The following ZYG11A variants were observed in gnomAD, a reference collection of about 807,000 sequenced individuals.
The protein encoded by ZYG11A is zyg-11 family member A, cell cycle regulator.
In ZYG11A, 62 loss-of-function variants were observed where a neutral mutation model predicts 77.2. The ratio of observed to expected loss-of-function variants is 0.80; its 90% CI spans 0.65 to 0.99. The LOEUF is 0.99. Ranked by LOEUF, ZYG11A falls within the 50% of genes least tolerant of loss-of-function variation. The pLI, the probability that ZYG11A is intolerant of heterozygous loss-of-function variation, is 0.00. For synonymous variants in ZYG11A, 315 were observed against 324.6 expected, an observed-to-expected ratio of 0.97 and a Z score of 0.32; for missense variants, 828 against 896.8, an observed-to-expected ratio of 0.92 and a Z score of 0.98.
At chr1:52,847,893 G>T (rs1645628944) in intron 1 of ZYG11A, among the ~76,000 whole-genome samples, 1 of 146,152 alleles carries the variant, frequency 6.8e-6, no homozygotes, top group African/African-American at 2.5e-5. Context: ...TTTTTGAGAT[G>T]GAGTCTCGCT....
At chr1:52,876,752 T>C (rs1300403243) in intron 8 of ZYG11A, among the ~76,000 whole-genome samples, 1 of 152,210 alleles carries the variant, frequency 6.6e-6, no homozygotes, top group Non-Finnish European at 1.5e-5. Context: ...ACACATTCTC[T>C]CCTGATTGGG....
In ZYG11A at chr1:52,893,185, G is replaced by A. The variant is rs1181677554; in HGVS notation, c.*228G>A. The A allele has an allele frequency of 8.3e-6, 4 of 480,028 alleles. No individual in the cohort carries two copies. The highest frequency in any genetic ancestry group is 3.6e-5 in the East Asian group (1 of 27,406). 29.7% of individuals were successfully genotyped at this position (480,028 alleles called of 1,614,324 possible). On this transcript the variant is annotated 3_prime_UTR_variant, in exon 14 of 14. Transcript: ENST00000371528. ...AGCAGCAATTTTGAAGACTCAAACC[G>A]TGGACTCTGGGAAGGCCTGGGAGCT...
At chr1:52,863,093 A>T (rs183900348) in intron 4 of ZYG11A, among the ~76,000 whole-genome samples, 61 of 152,360 alleles carry the variant, frequency 4.0e-4, no homozygotes, top group Admixed American at 2.9e-3. Flanking sequence ...TAAATTGCAG[A>T]TGATGGCAAT....
chr1:52,843,836 G>A (rs1337174047), intron 1 of ZYG11A, among the ~76,000 whole-genome samples: 1 of 152,002 alleles, frequency 6.6e-6, no homozygotes, highest in Non-Finnish European at 1.5e-5. Flanking sequence ...ACAGGCGCGT[G>A]CCACCATGCC....
chr1:52,850,480 G>A (rs1028357179), intron 1 of ZYG11A, among the ~76,000 whole-genome samples: 3 of 151,866 alleles, frequency 2.0e-5, no homozygotes, highest in Non-Finnish European at 2.9e-5. Context: ...CACTACACCC[G>A]GCCAATTTTT....
In ZYG11A at chr1:52,857,486, C is replaced by T. The variant is rs1423339089; in HGVS notation, c.745C>T (p.Leu249Phe). 3.4e-5 allele frequency: 52 copies of T among 1,552,220 alleles called. No homozygotes were observed. Among genetic ancestry groups the T allele is most frequent in the Non-Finnish European group, 4.3e-5 (49 of 1,147,122 alleles). The stretch of plus-strand genomic sequence containing the variant: ...CCTGGCCATGACCAAATCACAAATT[C>T]TTGCAGTCATTAGAGAACTTAAATG... ...KCLAMTKSQI[L>F]AVIRELKCLL... The change falls in exon 3 of 14, where the codon CTT becomes TTT. Residue 249 changes from leucine (L) to phenylalanine (F), a missense_variant. By Grantham distance (22) the Leu-to-Phe change is conservative. Coordinates refer to ENST00000371528, the MANE Select transcript of ZYG11A (RefSeq NM_001004339.3).
chr1:52,874,713 A>T (rs1175862902), intron 8 of ZYG11A, among the ~76,000 whole-genome samples: 1 of 152,006 alleles, frequency 6.6e-6, no homozygotes, highest in East Asian at 1.9e-4. Context: ...CTAAAAATAC[A>T]AAAATTAGCC....
intron 1 of ZYG11A, among the ~76,000 whole-genome samples, chr1:52,854,261 A>G (rs1645766290): frequency 6.6e-6 from 1 of 152,200 alleles, no homozygotes; most frequent in South Asian, 2.1e-4. Flanking sequence ...GGACAGCTGT[A>G]CAACAGAAAG....
chr1:52,846,310 T>TTTATTTA (rs1645577922), intron 1 of ZYG11A, among the ~76,000 whole-genome samples: 4 of 35,800 alleles, frequency 1.1e-4, no homozygotes, highest in African/African-American at 3.5e-4. Context: ...TTTTAAATTT[T>TTTATTTA]TATATATATA....
At position 52,892,982 on chromosome 1, in the gene ZYG11A, G is replaced by T. The variant is rs1200958289; in HGVS notation, c.*25G>T. ...AACCTAAGGAATTTCAGAGGTGTGT[G>T]CTCTTCCTCAATGTCAGGTGTTCTG... On this transcript the variant is annotated 3_prime_UTR_variant, in exon 14 of 14. Transcript: ENST00000371528. 2 of 1,543,118 alleles carry T rather than the reference G, an allele frequency of 1.3e-6. No homozygotes were observed. The highest frequency in any genetic ancestry group is 2.7e-5 in the African/African-American group (2 of 72,888).
intron 8 of ZYG11A, among the ~76,000 whole-genome samples, chr1:52,877,202 C>T (rs150322144): frequency 2.0e-5 from 3 of 152,252 alleles, no homozygotes; most frequent in Non-Finnish European, 4.4e-5. Context: ...GTCTCAGTTA[C>T]ATATTATCTT....
rs1646573865 is a variant in ZYG11A at position 52,893,142 on chromosome 1, C to T, written c.*185C>T. 1.7e-6 allele frequency: 1 copy of T among 580,256 alleles called. No individual in the cohort carries two copies. Among genetic ancestry groups the T allele is most frequent in the Admixed American group, 3.4e-5 (1 of 29,694 alleles). The allele number at this position is 580,256 out of a possible 1,614,324, so 35.9% of individuals were successfully genotyped here. Reference sequence around the variant, plus strand: ...AGCTGTAATCCCAAGTCAAGTTGGACTCATTCTGCAGCCTTTCAGCAGCAA... The same window carrying T: ...AGCTGTAATCCCAAGTCAAGTTGGATTCATTCTGCAGCCTTTCAGCAGCAA... On this transcript the variant is annotated 3_prime_UTR_variant, in exon 14 of 14. Transcript: ENST00000371528.
At chr1:52,868,371 C>T (rs531346111) in intron 8 of ZYG11A, among the ~76,000 whole-genome samples, 2 of 152,278 alleles carry the variant, frequency 1.3e-5, no homozygotes, top group South Asian at 2.1e-4. Context: ...AGCTCTCCTA[C>T]GTATCTTTCT....
chr1:52,844,423 A>G (rs573944518), intron 1 of ZYG11A, among the ~76,000 whole-genome samples: 2 of 152,260 alleles, frequency 1.3e-5, no homozygotes, highest in South Asian at 4.1e-4. Flanking sequence ...CCTGCTTGGA[A>G]TCGAAACAAG....
chr1:52,854,039 T>C (rs1228825522), intron 1 of ZYG11A, among the ~76,000 whole-genome samples: 3 of 152,234 alleles, frequency 2.0e-5, no homozygotes, highest in Non-Finnish European at 2.9e-5. Context: ...GTATTGAACA[T>C]GTACAGACTT....
At chr1:52,844,875 TTTTC>T (rs1370967842) in intron 1 of ZYG11A, among the ~76,000 whole-genome samples, 2 of 152,130 alleles carry the variant, frequency 1.3e-5, no homozygotes, top group Non-Finnish European at 2.9e-5. Context: ...AGTCACTTAG[TTTTC>T]TTTATTTTTT....
chr1:52,878,957 AAAAAAAAAAAAAAAAAAAC>A (rs1404283621), intron 10 of ZYG11A, among the ~76,000 whole-genome samples: 3 of 142,160 alleles, frequency 2.1e-5, no homozygotes, highest in Admixed American at 7.0e-5. Flanking sequence ...CTCAAAAAAA[AAAAAAAAAAAAAAAAAAAC>A]AAACCAAAAA....
chr1:52,886,941 T>C lies in ZYG11A; in HGVS notation c.2007-15T>C. 2.9e-6 allele frequency: 4 copies of C among 1,385,444 alleles called. No homozygotes were observed. Among genetic ancestry groups the C allele is most frequent in the Non-Finnish European group, 3.0e-6 (3 of 1,005,088 alleles). 85.8% of individuals were successfully genotyped at this position (1,385,444 alleles called of 1,614,324 possible). A position where few individuals can be genotyped will look rare whatever the true frequency, so the allele number is the denominator to read the frequency against. On this transcript the variant is annotated splice_polypyrimidine_tract_variant and intron_variant, in intron 12 of 13. Coordinates refer to ENST00000371528, the MANE Select transcript of ZYG11A (RefSeq NM_001004339.3). ...CTGTTCTGGATTAACATCTTTGTAC[T>C]TTTTTTTGTTTTAGATCTTTCAAGA...
intron 13 of ZYG11A, among the ~76,000 whole-genome samples, chr1:52,890,261 T>G (rs1364287494): frequency 7.1e-6 from 1 of 140,428 alleles, no homozygotes; most frequent in Non-Finnish European, 1.5e-5. Context: ...TTTTTTTTTT[T>G]TTTTTTTTTT....
Sources: gnomAD v4.1 joint callset for allele counts (sites outside exome capture counted in the v4.1 genomes callset) on GRCh38, gnomAD v4.1.1 for gene constraint, MANE v1.5 for transcripts, NCBI Gene and HGNC (gene_info 2026-07-23, HGNC 2026-07-21) for gene names.